Variants in TMEM132B observed in about 807,000 individuals in gnomAD.
The protein encoded by TMEM132B is transmembrane protein 132B.
In TMEM132B, 18 loss-of-function variants were observed where a neutral mutation model predicts 90.8. That is an observed-to-expected ratio of 0.20 (90% CI 0.14 to 0.29). TMEM132B has a LOEUF of 0.29. Ranked by LOEUF, TMEM132B falls within the 10% of genes least tolerant of loss-of-function variation. The probability of loss-of-function intolerance (pLI) is 1.00; values close to 1 mark genes in which losing one functional copy is unlikely to be tolerated. For synonymous variants in TMEM132B, 504 were observed against 523.3 expected, an observed-to-expected ratio of 0.96 and a Z score of 0.50; for missense variants, 1,096 against 1,326.8, an observed-to-expected ratio of 0.83 and a Z score of 2.70.
chr12:125,509,133 G>A (rs1283718270), intron 3 of TMEM132B, among the ~76,000 whole-genome samples: 1 of 152,064 alleles, frequency 6.6e-6, no homozygotes, highest in African/African-American at 2.4e-5. Flanking sequence ...TTCCCCCTGT[G>A]GATATATAAC....
chr12:125,438,432 G>C (rs1474410710), intron 3 of TMEM132B, among the ~76,000 whole-genome samples: 1 of 152,198 alleles, frequency 6.6e-6, no homozygotes, highest in East Asian at 1.9e-4. Context: ...GCGTGGTATG[G>C]CCAGGTCAGC....
intron 2 of TMEM132B, among the ~76,000 whole-genome samples, chr12:125,396,432 G>T (rs1320332415): frequency 1.3e-5 from 2 of 152,170 alleles, no homozygotes; most frequent in Non-Finnish European, 2.9e-5. Flanking sequence ...TATATGCCAG[G>T]CTCTGTTCTA....
chr12:125,277,146 A>G lies in TMEM132B; in HGVS notation c.68-72306A>G, dbSNP rs932241375. On this transcript the variant is annotated intron_variant, in intron 1 of 8. Transcript: ENST00000682704. The surrounding 1 kb of genome is among the most constrained non-coding windows in gnomAD (Gnocchi z 4.3). ...GTGGTCAAGTTAAGATGTGGTCATT[A>G]GGGTGGGCCCTAATCCCATATGACT... Among the ~76,000 whole-genome samples, 1 of 151,244 alleles carries G rather than the reference A, an allele frequency of 6.6e-6. No individual in the cohort carries two copies. Among genetic ancestry groups the G allele is most frequent in the African/African-American group, 2.4e-5 (1 of 41,058 alleles).
intron 4 of TMEM132B, among the ~76,000 whole-genome samples, chr12:125,583,451 T>C (rs1220245482): frequency 2.0e-5 from 3 of 152,152 alleles, no homozygotes; most frequent in Non-Finnish European, 2.9e-5. Context: ...ATGTTCACTA[T>C]GTTAATAAGC....
At chr12:125,256,307 A>C (rs756362819) in intron 1 of TMEM132B, among the ~76,000 whole-genome samples, 8 of 152,222 alleles carry the variant, frequency 5.3e-5, no homozygotes, top group Non-Finnish European at 1.2e-4. Flanking sequence ...CGCTGAGGGC[A>C]ACTTAAGAAC....
rs560119122 is a variant in TMEM132B at position 125,612,267 on chromosome 12, A to C, written c.1437+28273A>C. Reference sequence around the variant, plus strand: ...AAGGCAGGTGGATTGCAAGGTCAGGAGTTTGAGACGAGCCTGACCAACTTG... The same window carrying C: ...AAGGCAGGTGGATTGCAAGGTCAGGCGTTTGAGACGAGCCTGACCAACTTG... On this transcript the variant is annotated intron_variant, in intron 5 of 8. Coordinates refer to ENST00000682704, the MANE Select transcript of TMEM132B (RefSeq NM_001366854.1). Among the ~76,000 whole-genome samples, 275 of 152,156 alleles carry C rather than the reference A, an allele frequency of 1.8e-3. 2 individuals are homozygous for C. Among genetic ancestry groups the C allele is most frequent in the African/African-American group, 6.0e-3 (249 of 41,544 alleles).
chr12:125,575,542 G>A (rs1306180019), intron 4 of TMEM132B, among the ~76,000 whole-genome samples: 3 of 151,532 alleles, frequency 2.0e-5, no homozygotes, highest in Non-Finnish European at 2.9e-5. Context: ...GGTATCCCTT[G>A]AAGCACAAAT....
chr12:125,580,410 G>T (rs1227852585), intron 4 of TMEM132B, among the ~76,000 whole-genome samples: 1 of 152,126 alleles, frequency 6.6e-6, no homozygotes, highest in Non-Finnish European at 1.5e-5. Flanking sequence ...CGACAACCTT[G>T]CAAGTGGGTT....
At chr12:125,653,466 C>T in intron 8 of TMEM132B, 99 bp from the exon 9 acceptor site, 1 of 1,300,858 alleles carries the variant, frequency 7.7e-7, no homozygotes, top group Non-Finnish European at 1.0e-6. Flanking sequence ...TAGAAATCTT[C>T]TCCTTATATT....
At chr12:125,326,049 C>T (rs1354660984) in intron 1 of TMEM132B, among the ~76,000 whole-genome samples, 2 of 152,154 alleles carry the variant, frequency 1.3e-5, no homozygotes, top group African/African-American at 4.8e-5. Flanking sequence ...GGGTTTTGGG[C>T]CTCCAGCCTC....
rs1472201506 is a variant in TMEM132B, at chr12:125,186,623, C to A, written c.-177C>A. Among the ~76,000 whole-genome samples, 1 of 146,822 alleles carries A rather than the reference C, an allele frequency of 6.8e-6. No homozygotes were observed. The highest frequency in any genetic ancestry group is 1.5e-5 in the Non-Finnish European group (1 of 65,964). On this transcript the variant is annotated 5_prime_UTR_variant, in exon 1 of 9. Coordinates refer to ENST00000682704, the MANE Select transcript of TMEM132B (RefSeq NM_001366854.1). This position sits in a 1 kb window ranked among gnomAD's most constrained non-coding sequence, Gnocchi z 6.3. ...CCGAGCCCAGGAGAGCGCGCAGAGG[C>A]GCAGCCGAGGAAGCGCCGCCAGCGC...
At position 125,191,765 on chromosome 12, in the gene TMEM132B, T is replaced by C. The variant is rs149262341; in HGVS notation, c.67+4899T>C. Among the ~76,000 whole-genome samples the C allele has an allele frequency of 1.7e-3, 263 of 152,316 alleles. 2 individuals are homozygous for C. Among genetic ancestry groups the C allele is most frequent in the African/African-American group, 6.0e-3 (251 of 41,564 alleles). ...GTGCCCCTGAGTGATTAGATGGCTA[T>C]GTTGAAGGGCAAGACTTTGGCAGGC... is the stretch of plus-strand genomic sequence containing the variant. On this transcript the variant is annotated intron_variant, in intron 1 of 8. Coordinates refer to ENST00000682704, the MANE Select transcript of TMEM132B (RefSeq NM_001366854.1).
intron 3 of TMEM132B, among the ~76,000 whole-genome samples, chr12:125,418,157 T>C (rs1880071848): frequency 6.6e-6 from 1 of 152,152 alleles, no homozygotes; most frequent in Admixed American, 6.5e-5. Flanking sequence ...TTTGTTGATA[T>C]ATTTGACTGA....
At chr12:125,253,127 C>T (rs1480236525) in intron 1 of TMEM132B, among the ~76,000 whole-genome samples, 1 of 152,094 alleles carries the variant, frequency 6.6e-6, no homozygotes, top group African/African-American at 2.4e-5. Flanking sequence ...GGAAATGACC[C>T]CCTCGTGGAG....
At chr12:125,244,176 T>C (rs1343091860) in intron 1 of TMEM132B, among the ~76,000 whole-genome samples, 1 of 152,232 alleles carries the variant, frequency 6.6e-6, no homozygotes, top group Admixed American at 6.5e-5. Context: ...ACGTGGGTTG[T>C]TTCCATCTTT....
intron 2 of TMEM132B, among the ~76,000 whole-genome samples, chr12:125,400,289 C>T (rs992378897): frequency 4.6e-5 from 7 of 152,196 alleles, no homozygotes; most frequent in South Asian, 2.1e-4. Flanking sequence ...AGCAATGAGA[C>T]GGGAGAGTGG....
intron 5 of TMEM132B, among the ~76,000 whole-genome samples, chr12:125,631,750 C>G (rs1886373414): frequency 1.3e-5 from 2 of 152,092 alleles, no homozygotes; most frequent in African/African-American, 2.4e-5. Flanking sequence ...CCTTCTTTGT[C>G]TCTTCTTAGA....
At chr12:125,465,809 A>AATT (rs1881548163) in intron 3 of TMEM132B, among the ~76,000 whole-genome samples, 1 of 152,132 alleles carries the variant, frequency 6.6e-6, no homozygotes, top group Non-Finnish European at 1.5e-5. Flanking sequence ...TCTTTATCTT[A>AATT]ATTACTGAGT....
intron 1 of TMEM132B, among the ~76,000 whole-genome samples, chr12:125,238,366 C>CAAAAAAAGAAAA (rs1873984309): frequency 9.0e-6 from 1 of 111,584 alleles, no homozygotes; most frequent in Non-Finnish European, 1.8e-5. Context: ...AAAAAAAAAC[C>CAAAAAAAGAAAA]AAAAAAAAAA....
Sources: gnomAD v4.1 joint callset for allele counts (sites outside exome capture counted in the v4.1 genomes callset) on GRCh38, gnomAD v4.1.1 for gene constraint, Gnocchi (gnomAD v3.1) non-coding constraint, MANE v1.5 for transcripts, NCBI Gene and HGNC (gene_info 2026-07-23, HGNC 2026-07-21) for gene names.